Variants in CNTN4 observed in about 807,000 individuals in gnomAD.
The protein encoded by CNTN4 is contactin-4.
CNTN4 carries 77 observed loss-of-function variants against 122.5 expected under a neutral mutation model. The ratio of observed to expected loss-of-function variants is 0.63; its 90% CI spans 0.52 to 0.76. The LOEUF (loss-of-function observed/expected upper bound fraction) is 0.76, where lower values mean the gene tolerates loss of function less well. Among genes scored for constraint, CNTN4 ranks in the 30% least tolerant of loss-of-function variants. The probability of loss-of-function intolerance (pLI) is 0.00; values close to 1 mark genes in which losing one functional copy is unlikely to be tolerated. For synonymous variants in CNTN4, 512 were observed against 447.0 expected, an observed-to-expected ratio of 1.15 and a Z score of -1.83; for missense variants, 1,256 against 1,259.1, an observed-to-expected ratio of 1.00 and a Z score of 0.04.
chr3:2,629,587 G>A (rs988154042), intron 4 of CNTN4: 1 of 449,798 alleles, frequency 2.2e-6, no homozygotes, highest in African/African-American at 2.0e-5. Context: ...CTGGTGAGTT[G>A]ACTTTATAAG....
At chr3:2,220,459 T>A (rs1029423247) in intron 2 of CNTN4, among the ~76,000 whole-genome samples, 1 of 152,158 alleles carries the variant, frequency 6.6e-6, no homozygotes, top group Non-Finnish European at 1.5e-5. Flanking sequence ...ATTGATTCCA[T>A]TGAATTTACT....
chr3:2,557,984 A>G (rs942424942), intron 3 of CNTN4, among the ~76,000 whole-genome samples: 1 of 152,184 alleles, frequency 6.6e-6, no homozygotes, highest in African/African-American at 2.4e-5. Context: ...AGCAAACTAT[A>G]AATATAAAAT....
intron 13 of CNTN4, among the ~76,000 whole-genome samples, chr3:2,930,158 T>G (rs1204235021): frequency 6.6e-6 from 1 of 152,234 alleles, no homozygotes; most frequent in Non-Finnish European, 1.5e-5. Flanking sequence ...CTTTCAATTC[T>G]TTTCTAAGCC....
chr3:3,008,389 T>A (rs1362379543), intron 14 of CNTN4, among the ~76,000 whole-genome samples: 3 of 152,086 alleles, frequency 2.0e-5, no homozygotes, highest in Non-Finnish European at 4.4e-5. Context: ...CAAATCAGAG[T>A]TGGATTTTTT....
intron 3 of CNTN4, among the ~76,000 whole-genome samples, chr3:2,409,270 T>C (rs2047145784): frequency 6.8e-6 from 1 of 147,426 alleles, no homozygotes; most frequent in East Asian, 2.0e-4. Context: ...TTTTTTGAGA[T>C]AGTGTCTCGC....
In CNTN4 at chr3:2,254,925, G is replaced by T. The variant is rs117546431; in HGVS notation, c.-144-84253G>T. Among the ~76,000 whole-genome samples, 7 of 151,938 alleles carry T rather than the reference G, an allele frequency of 4.6e-5. No individual in the cohort carries two copies. The East Asian group carries it at 1.4e-3, about 29-fold the overall frequency. ...TTTGTCCATCTTGGCTTTTGTTGCCGTTGGTTTTGGTGTTTTAGTCATGAA... is the reference window on the plus strand; with the variant it reads ...TTTGTCCATCTTGGCTTTTGTTGCCTTTGGTTTTGGTGTTTTAGTCATGAA... On this transcript the variant is annotated intron_variant, in intron 2 of 24. Transcript: ENST00000418658.
intron 13 of CNTN4, among the ~76,000 whole-genome samples, chr3:2,979,770 T>G (rs9821317): frequency 0.53 from 81,272 of 152,010 alleles, 23,833 homozygotes; most frequent in African/African-American, 0.8. Context: ...ATTTCTTTCT[T>G]TGCAGAAGGA....
intron 3 of CNTN4, among the ~76,000 whole-genome samples, chr3:2,563,366 C>A (rs965166032): frequency 6.6e-5 from 10 of 151,806 alleles, no homozygotes; most frequent in Admixed American, 6.6e-4. Flanking sequence ...CTTAGTTAAC[C>A]CATAAAATTA....
intron 3 of CNTN4, among the ~76,000 whole-genome samples, chr3:2,430,141 T>G (rs1024421061): frequency 5.3e-5 from 8 of 151,772 alleles, no homozygotes; most frequent in Non-Finnish European, 8.8e-5. Context: ...ATGCAGAAAT[T>G]GGCCGGGCTC....
chr3:2,261,683 T>C (rs1162008862), intron 2 of CNTN4, among the ~76,000 whole-genome samples: 1 of 152,196 alleles, frequency 6.6e-6, no homozygotes, highest in Non-Finnish European at 1.5e-5. Flanking sequence ...TATGGAATAG[T>C]GAAGGCCCGC....
intron 3 of CNTN4, among the ~76,000 whole-genome samples, chr3:2,464,342 G>A (rs530597146): frequency 6.6e-6 from 1 of 152,248 alleles, no homozygotes; most frequent in Non-Finnish European, 1.5e-5. Context: ...GTTGCAGGAA[G>A]TGGCGCATTA....
rs187630780 is a variant in CNTN4 at position 2,829,976 on chromosome 3, A to G, written c.454+10395A>G. Among the ~76,000 whole-genome samples the G allele has an allele frequency of 1.1e-3, 162 of 152,366 alleles. 2 individuals carry two copies. The highest frequency in any genetic ancestry group is 3.8e-3 in the African/African-American group (160 of 41,582). ...GTTCCTGGCCATAGCACTTAGAAAT[A>G]GACTCAGCTACTTAATAAATACCAG... On this transcript the variant is annotated intron_variant, in intron 7 of 24. Transcript: ENST00000418658.
At chr3:2,148,982 G>A (rs1165826762) in intron 2 of CNTN4, among the ~76,000 whole-genome samples, 1 of 151,766 alleles carries the variant, frequency 6.6e-6, no homozygotes, top group African/African-American at 2.4e-5. Context: ...TGGGGGGGTG[G>A]TGTCTAAGGA....
At chr3:2,100,036 C>T (rs1351555223) in intron 1 of CNTN4, among the ~76,000 whole-genome samples, 1 of 152,170 alleles carries the variant, frequency 6.6e-6, no homozygotes, top group Admixed American at 6.5e-5. Flanking sequence ...GAAGATCAGG[C>T]GGTTGCTTGC....
intron 2 of CNTN4, among the ~76,000 whole-genome samples, chr3:2,149,229 G>A (rs2035387653): frequency 6.6e-6 from 1 of 152,136 alleles, no homozygotes; most frequent in African/African-American, 2.4e-5. Flanking sequence ...AAGTAGTGGA[G>A]TAGTGCAAAG....
intron 2 of CNTN4, among the ~76,000 whole-genome samples, chr3:2,116,491 C>T (rs1397240977): frequency 6.6e-6 from 1 of 152,106 alleles, no homozygotes; most frequent in East Asian, 1.9e-4. Context: ...ATCAGAGTCT[C>T]TGGGAATGAG....
intron 3 of CNTN4, among the ~76,000 whole-genome samples, chr3:2,343,786 A>G (rs1364085995): frequency 2.6e-5 from 4 of 152,134 alleles, no homozygotes. Flanking sequence ...TCTTTTTTGC[A>G]TTGCTGAAAA....
chr3:2,933,189 G>A (rs749802065), intron 13 of CNTN4, among the ~76,000 whole-genome samples: 5 of 152,048 alleles, frequency 3.3e-5, no homozygotes, highest in Non-Finnish European at 7.4e-5. Flanking sequence ...GTGAAAAGAG[G>A]GCATCAAGGA....
At chr3:2,882,366 GAAA>G (rs950535560) in intron 8 of CNTN4, among the ~76,000 whole-genome samples, 1 of 131,744 alleles carries the variant, frequency 7.6e-6, no homozygotes, top group Non-Finnish European at 1.6e-5. Flanking sequence ...ACTTCGTCTC[GAAA>G]AAAAAAAAAA....
Sources: allele counts gnomAD v4.1 joint callset (sites outside exome capture counted in the v4.1 genomes callset), GRCh38; gene constraint gnomAD v4.1.1; transcripts MANE v1.5; gene names NCBI Gene and HGNC (gene_info 2026-07-23, HGNC 2026-07-21).